Variants in MACROD2 observed in about 807,000 individuals in gnomAD.
MACROD2 encodes the protein mono-ADP ribosylhydrolase 2.
A neutral mutation model predicts 70.4 loss-of-function variants in MACROD2; 36 were observed. The observed-to-expected ratio is 0.51, with a 90% CI of 0.39 to 0.68. The LOEUF is 0.68. Among genes scored for constraint, MACROD2 ranks in the 30% least tolerant of loss-of-function variants. MACROD2 has a pLI of 0.00. For missense variants in MACROD2, 496 were observed against 538.4 expected, an observed-to-expected ratio of 0.92 and a Z score of 0.78; for synonymous variants, 172 against 178.8, an observed-to-expected ratio of 0.96 and a Z score of 0.30.
chr20:14,348,118 A>G (rs2083081917), intron 3 of MACROD2, among the ~76,000 whole-genome samples: 1 of 151,646 alleles, frequency 6.6e-6, no homozygotes, highest in Admixed American at 6.6e-5. Context: ...AAATACAAAA[A>G]CATTAGCCGG....
chr20:14,463,298 T>G (rs2084395087), intron 3 of MACROD2, among the ~76,000 whole-genome samples: 1 of 152,092 alleles, frequency 6.6e-6, no homozygotes, highest in Non-Finnish European at 1.5e-5. Flanking sequence ...TTTGAAGCAA[T>G]TGTGAATGGG....
intron 5 of MACROD2, among the ~76,000 whole-genome samples, chr20:15,197,955 GCCT>G (rs1406829857): frequency 3.1e-4 from 36 of 115,110 alleles, no homozygotes; most frequent in Admixed American, 9.3e-4. Flanking sequence ...CCTTGGCCTG[GCCT>G]CCTTTTTTTT....
chr20:14,964,121 G>C (rs2074609277), intron 5 of MACROD2, among the ~76,000 whole-genome samples: 1 of 151,922 alleles, frequency 6.6e-6, no homozygotes, highest in South Asian at 2.1e-4. Context: ...AAGTAGAATG[G>C]AGGTTCAAGA....
intron 4 of MACROD2, among the ~76,000 whole-genome samples, chr20:14,503,722 A>G (rs2084940001): frequency 6.6e-6 from 1 of 152,214 alleles, no homozygotes; most frequent in South Asian, 2.1e-4. Flanking sequence ...TAGGCTAAAA[A>G]TCCACTAACT....
At chr20:15,360,830 G>A (rs1417444444) in intron 6 of MACROD2, among the ~76,000 whole-genome samples, 1 of 150,818 alleles carries the variant, frequency 6.6e-6, no homozygotes, top group Non-Finnish European at 1.5e-5. Context: ...TTTTTTTCGT[G>A]TGTTTAATTT....
intron 5 of MACROD2, among the ~76,000 whole-genome samples, chr20:14,696,010 C>G (rs977679178): frequency 8.5e-5 from 13 of 152,154 alleles, no homozygotes; most frequent in African/African-American, 2.9e-4. Flanking sequence ...CACATTTTCT[C>G]AGTGCAGAAC....
chr20:14,310,517 C>A (rs1212955535), intron 3 of MACROD2, among the ~76,000 whole-genome samples: 1 of 152,146 alleles, frequency 6.6e-6, no homozygotes, highest in Non-Finnish European at 1.5e-5. Flanking sequence ...ACCTACCATG[C>A]TGCCAGGTGT....
chr20:15,058,678 T>C (rs2075507156), intron 5 of MACROD2, among the ~76,000 whole-genome samples: 1 of 152,232 alleles, frequency 6.6e-6, no homozygotes, highest in African/African-American at 2.4e-5. Flanking sequence ...TTTTTCCATG[T>C]CAAGCACCTT....
chr20:14,985,508 T>A (rs1327104684), intron 5 of MACROD2, among the ~76,000 whole-genome samples: 1 of 152,130 alleles, frequency 6.6e-6, no homozygotes, highest in Non-Finnish European at 1.5e-5. Context: ...ACAAGCCTTT[T>A]AGGTCCCAAC....
chr20:13,999,247 C>A lies in MACROD2; in HGVS notation c.47-3041C>A, dbSNP rs137881270. Among the ~76,000 whole-genome samples the A allele has an allele frequency of 3.5e-3, 530 of 152,246 alleles. 2 individuals carry two copies. The highest frequency in any genetic ancestry group is 0.014 in the Middle Eastern group (4 of 294). ...GCCTGTAACAGTGCTCGGATCTCTT[C>A]CACCTTAGAGTCACTTTTCTTTCAT... On this transcript the variant is annotated intron_variant, in intron 1 of 17. Transcript: ENST00000684519.
intron 3 of MACROD2, among the ~76,000 whole-genome samples, chr20:14,297,974 T>C (rs894544328): frequency 2.6e-5 from 4 of 151,868 alleles, no homozygotes; most frequent in African/African-American, 9.7e-5. Flanking sequence ...ATCCTAGTGC[T>C]AATAAGAATT....
chr20:14,070,511 AATAC>A (rs1339381667), intron 2 of MACROD2, among the ~76,000 whole-genome samples: 2 of 152,194 alleles, frequency 1.3e-5, no homozygotes, highest in African/African-American at 4.8e-5. Context: ...TCATCTTGAT[AATAC>A]ATTTATTATA....
At chr20:14,919,569 C>G (rs2074136122) in intron 5 of MACROD2, among the ~76,000 whole-genome samples, 1 of 152,176 alleles carries the variant, frequency 6.6e-6, no homozygotes, top group South Asian at 2.1e-4. Flanking sequence ...TCTCTTTGTT[C>G]CTTGTACTGC....
intron 8 of MACROD2, among the ~76,000 whole-genome samples, chr20:15,642,474 A>T (rs556384273): frequency 6.6e-6 from 1 of 152,108 alleles, no homozygotes; most frequent in South Asian, 2.1e-4. Flanking sequence ...CAGGTAAGGA[A>T]TGTCTATGCC....
chr20:14,407,810 A>C (rs1462439278), intron 3 of MACROD2, among the ~76,000 whole-genome samples: 1 of 152,176 alleles, frequency 6.6e-6, no homozygotes, highest in Non-Finnish European at 1.5e-5. Context: ...CAGGTCAAAT[A>C]ATATTTTTAT....
chr20:15,616,197 G>A (rs574859677), intron 8 of MACROD2, among the ~76,000 whole-genome samples: 27 of 148,122 alleles, frequency 1.8e-4, no homozygotes, highest in African/African-American at 6.2e-4. Context: ...TCTGTCTCCT[G>A]GGTTCAAGTG....
At chr20:15,831,631 G>T (rs551163315) in intron 8 of MACROD2, among the ~76,000 whole-genome samples, 1 of 151,924 alleles carries the variant, frequency 6.6e-6, no homozygotes, top group Non-Finnish European at 1.5e-5. Flanking sequence ...TGCCTGTTCT[G>T]TCTCTGACAG....
intron 17 of MACROD2, among the ~76,000 whole-genome samples, chr20:16,047,610 G>A (rs1842290459): frequency 1.3e-5 from 2 of 152,188 alleles, no homozygotes; most frequent in Admixed American, 1.3e-4. Context: ...CCTATAGAAT[G>A]AAGGAGGTCA....
At chr20:15,589,405 A>G (rs1240040290) in intron 8 of MACROD2, among the ~76,000 whole-genome samples, 2 of 152,228 alleles carry the variant, frequency 1.3e-5, no homozygotes, top group Admixed American at 6.5e-5. Context: ...TTCTCACATC[A>G]AAATCGAGTG....
Sources: allele counts gnomAD v4.1 joint callset (sites outside exome capture counted in the v4.1 genomes callset), GRCh38; gene constraint gnomAD v4.1.1; transcripts MANE v1.5; gene names NCBI Gene and HGNC (gene_info 2026-07-23, HGNC 2026-07-21).